The following CDKAL1 variants were observed in gnomAD, a reference collection of about 807,000 sequenced individuals.
CDKAL1 encodes CDKAL1 threonylcarbamoyladenosine tRNA methylthiotransferase, also known as threonylcarbamoyladenosine tRNA methylthiotransferase.
CDKAL1 carries 32 observed loss-of-function variants against 68.2 expected under a neutral mutation model. The ratio of observed to expected loss-of-function variants is 0.47; its 90% CI spans 0.35 to 0.63. The LOEUF (loss-of-function observed/expected upper bound fraction) is 0.63. CDKAL1 is among the 30% of genes least tolerant of loss of function. The pLI, the probability that CDKAL1 is intolerant of heterozygous loss-of-function variation, is 0.00. For missense variants in CDKAL1, 606 were observed against 696.7 expected, an observed-to-expected ratio of 0.87 and a Z score of 1.47; for synonymous variants, 234 against 244.3, an observed-to-expected ratio of 0.96 and a Z score of 0.39.
At chr6:20,735,787 C>G (rs1378468511) in intron 5 of CDKAL1, among the ~76,000 whole-genome samples, 1 of 152,174 alleles carries the variant, frequency 6.6e-6, no homozygotes, top group Non-Finnish European at 1.5e-5. Flanking sequence ...GGCTATTACC[C>G]TGATTAAGTG....
chr6:20,537,183 C>T (rs1480696782), intron 2 of CDKAL1, among the ~76,000 whole-genome samples: 4 of 152,110 alleles, frequency 2.6e-5, no homozygotes, highest in Non-Finnish European at 5.9e-5. Flanking sequence ...GATTGAGAAC[C>T]ATTACTGTGG....
chr6:21,065,265 A>G (rs1771372215), intron 12 of CDKAL1, 37 bp downstream of exon 12: 5 of 1,517,780 alleles, frequency 3.3e-6, no homozygotes, highest in Middle Eastern at 3.4e-4. Context: ...GTTTTTTGCC[A>G]GTAGCTATAG....
chr6:20,749,688 C>G (rs1446544282), intron 6 of CDKAL1, among the ~76,000 whole-genome samples: 1 of 151,688 alleles, frequency 6.6e-6, no homozygotes, highest in East Asian at 1.9e-4. Flanking sequence ...GCTGGGACTA[C>G]AGGTGCCCGC....
chr6:21,208,349 A>C (rs1582421320), intron 15 of CDKAL1, among the ~76,000 whole-genome samples: 1 of 152,210 alleles, frequency 6.6e-6, no homozygotes, highest in Admixed American at 6.5e-5. Flanking sequence ...AACACAGTTA[A>C]AATGTTTTCC....
At chr6:21,114,672 G>A (rs1213581948) in intron 13 of CDKAL1, among the ~76,000 whole-genome samples, 1 of 152,044 alleles carries the variant, frequency 6.6e-6, no homozygotes, top group African/African-American at 2.4e-5. Flanking sequence ...CCAGGAGTTC[G>A]AGGCTGCAGT....
chr6:20,568,592 G>A (rs1401755955), intron 4 of CDKAL1, among the ~76,000 whole-genome samples: 1 of 151,794 alleles, frequency 6.6e-6, no homozygotes, highest in African/African-American at 2.4e-5. Context: ...AAAATTAGCC[G>A]GGCGTGGTGG....
At position 20,546,448 on chromosome 6, in the gene CDKAL1, ATGT is replaced by A; in HGVS notation, c.102_104del (p.Val35del). The A allele has an allele frequency of 6.2e-7, 1 of 1,614,136 alleles. No homozygotes were observed. Among genetic ancestry groups the A allele is most frequent in the Non-Finnish European group, 8.5e-7 (1 of 1,179,982 alleles). The stretch of plus-strand genomic sequence containing the variant: ...CAAGATAGGCATTTTGTAAGAAAGG[ATGT>A]TGTCCCGAAGGTACGAAGGCGAAAT... On this transcript the variant is annotated inframe_deletion, in exon 3 of 16. Transcript: ENST00000274695.
At chr6:21,071,518 A>G (rs1771768513) in intron 12 of CDKAL1, among the ~76,000 whole-genome samples, 1 of 152,164 alleles carries the variant, frequency 6.6e-6, no homozygotes, top group African/African-American at 2.4e-5. Flanking sequence ...ATACAAACAT[A>G]TTACTTAGTT....
At chr6:20,629,503 C>A (rs960895041) in intron 4 of CDKAL1, among the ~76,000 whole-genome samples, 2 of 152,174 alleles carry the variant, frequency 1.3e-5, no homozygotes, top group Non-Finnish European at 2.9e-5. Flanking sequence ...CTCTTGAATT[C>A]CTGTGCTCTG....
chr6:20,760,618 A>T (rs896194435), intron 7 of CDKAL1, among the ~76,000 whole-genome samples: 1 of 152,206 alleles, frequency 6.6e-6, no homozygotes, highest in Non-Finnish European at 1.5e-5. Flanking sequence ...TGTACATTAT[A>T]CTGTGATTTA....
intron 8 of CDKAL1, among the ~76,000 whole-genome samples, chr6:20,785,465 G>A (rs1017823356): frequency 2.6e-5 from 4 of 151,700 alleles, no homozygotes; most frequent in East Asian, 1.9e-4. Flanking sequence ...TCAGGCACAC[G>A]CCACCACACC....
chr6:20,923,396 AT>A (rs2150656005), intron 9 of CDKAL1, among the ~76,000 whole-genome samples: 1 of 152,194 alleles, frequency 6.6e-6, no homozygotes, highest in South Asian at 2.1e-4. Flanking sequence ...TCTGTGCCAC[AT>A]TTTGGTATGT....
intron 11 of CDKAL1, among the ~76,000 whole-genome samples, chr6:21,044,505 C>T (rs1257164037): frequency 6.6e-6 from 1 of 152,164 alleles, no homozygotes; most frequent in Non-Finnish European, 1.5e-5. Flanking sequence ...TCTCCTTTAC[C>T]AGGTTCTCTA....
At chr6:21,179,412 C>T (rs1582367167) in intron 13 of CDKAL1, among the ~76,000 whole-genome samples, 1 of 152,162 alleles carries the variant, frequency 6.6e-6, no homozygotes, top group Non-Finnish European at 1.5e-5. Flanking sequence ...ATCATGAGGA[C>T]ACCTATACAG....
chr6:20,853,138 T>G (rs562964593), intron 9 of CDKAL1, among the ~76,000 whole-genome samples: 2 of 152,318 alleles, frequency 1.3e-5, no homozygotes, highest in South Asian at 4.1e-4. Context: ...CCCAGCACTT[T>G]GAGAGGGTCT....
chr6:20,881,908 T>G (rs1445445314), intron 9 of CDKAL1, among the ~76,000 whole-genome samples: 1 of 152,156 alleles, frequency 6.6e-6, no homozygotes, highest in Non-Finnish European at 1.5e-5. Context: ...CGTACCAAAA[T>G]TTTCTCCTTT....
chr6:20,644,755 T>C (rs1319097534), intron 4 of CDKAL1, among the ~76,000 whole-genome samples: 1 of 152,236 alleles, frequency 6.6e-6, no homozygotes, highest in Non-Finnish European at 1.5e-5. Context: ...GGGGGGTTCC[T>C]AAAAGATTAT....
At chr6:21,220,652 AT>A (rs1779508539) in intron 15 of CDKAL1, among the ~76,000 whole-genome samples, 1 of 152,236 alleles carries the variant, frequency 6.6e-6, no homozygotes, top group African/African-American at 2.4e-5. Flanking sequence ...GGAAACTATT[AT>A]AAGCTCATTT....
intron 8 of CDKAL1, among the ~76,000 whole-genome samples, chr6:20,824,965 G>A (rs1777445041): frequency 2.0e-5 from 3 of 152,136 alleles, no homozygotes; most frequent in African/African-American, 4.8e-5. Context: ...TCCTCTTATA[G>A]CAGATAAGTT....
Sources: allele counts gnomAD v4.1 joint callset (sites outside exome capture counted in the v4.1 genomes callset), GRCh38; gene constraint gnomAD v4.1.1; transcripts MANE v1.5; gene names NCBI Gene and HGNC (gene_info 2026-07-23, HGNC 2026-07-21).